The following GCNT2 variants were observed in gnomAD, a reference collection of about 807,000 sequenced individuals.
GCNT2 encodes glucosaminyl (N-acetyl) transferase 2 (I blood group).
GCNT2 carries 34 observed loss-of-function variants against 34.2 expected under a neutral mutation model. The observed-to-expected ratio is 1.00, with a 90% confidence interval of 0.76 to 1.32. GCNT2 has a LOEUF of 1.32. Ranked by LOEUF, GCNT2 falls within the 40% of genes most tolerant of loss-of-function variation. The probability of loss-of-function intolerance (pLI) is 0.00; values close to 1 mark genes in which losing one functional copy is unlikely to be tolerated. For missense variants in GCNT2, 584 were observed against 489.4 expected (o/e 1.19, Z -1.82); for synonymous variants, 212 against 188.0 (o/e 1.13, Z -1.04).
At chr6:10,604,128 C>G (rs1765211387) in intron 3 of GCNT2, among the ~76,000 whole-genome samples, 2 of 151,252 alleles carry the variant, frequency 1.3e-5, no homozygotes, top group African/African-American at 4.9e-5. Context: ...ATCTCCTGAC[C>G]TCATGTGATC....
At chr6:10,536,993 T>C (rs1331236561) in intron 3 of GCNT2, among the ~76,000 whole-genome samples, 1 of 152,118 alleles carries the variant, frequency 6.6e-6, no homozygotes. Context: ...CTCGAACTCC[T>C]GACCTGGTGG....
In GCNT2 at chr6:10,586,438, C is replaced by G. The variant is rs145342719; in HGVS notation, c.926-34913C>G. Reference sequence around the variant, plus strand: ...CAGTTACTGAGTTGCTTCCAAAATGCTTTCATTGCTTCAAAGACAGAGTCT... The same window carrying G: ...CAGTTACTGAGTTGCTTCCAAAATGGTTTCATTGCTTCAAAGACAGAGTCT... On this transcript the variant is annotated intron_variant, in intron 3 of 4. Transcript: ENST00000495262. 28 of 1,614,068 alleles carry G rather than the reference C, an allele frequency of 1.7e-5. 1 individual carries two copies. The South Asian group carries it at 3.1e-4, about 18-fold the overall frequency.
chr6:10,542,304 A>C (rs1439109284), intron 3 of GCNT2, among the ~76,000 whole-genome samples: 1 of 152,194 alleles, frequency 6.6e-6, no homozygotes, highest in Non-Finnish European at 1.5e-5. Context: ...ACTGCTACGC[A>C]CTAAACTAAT....
intron 4 of GCNT2, among the ~76,000 whole-genome samples, chr6:10,625,280 G>A (rs911350756): frequency 6.6e-6 from 1 of 152,090 alleles, no homozygotes; most frequent in East Asian, 1.9e-4. Flanking sequence ...AATTAATCTT[G>A]CTAAAATGAG....
chr6:10,578,144 A>G (rs1333263520), intron 3 of GCNT2, among the ~76,000 whole-genome samples: 1 of 152,002 alleles, frequency 6.6e-6, no homozygotes. Flanking sequence ...TAATCCCAGC[A>G]CTTTGGGAGG....
intron 3 of GCNT2, chr6:10,558,038 C>G (rs1762801967): frequency 6.6e-6 from 1 of 152,520 alleles, no homozygotes; most frequent in Non-Finnish European, 1.5e-5. Flanking sequence ...GCTCCTTCCC[C>G]TTAGCCAGAT....
At position 10,549,563 on chromosome 6, in the gene GCNT2, CTTTTTT is replaced by C. The variant is rs33909973; in HGVS notation, c.925+19748_925+19753del. ...TTCCTTTCTCTCTCAATCTCTCTCT[CTTTTTT>C]TTTTTTTTTTTTTTTTTTTTGAGAC... On this transcript the variant is annotated intron_variant, in intron 3 of 4. Coordinates refer to ENST00000495262, the MANE Select transcript of GCNT2 (RefSeq NM_145649.5). 7.7e-5 allele frequency among the ~76,000 whole-genome samples: 8 copies of C among 104,306 alleles called. No individual in the cohort carries two copies. In the East Asian group the frequency reaches 1.3e-3, roughly 17 times the overall value. The allele number at this position is 104,306 out of a possible 152,430, so 68.4% of individuals were successfully genotyped here.
At chr6:10,607,282 C>T (rs1027573456) in intron 3 of GCNT2, among the ~76,000 whole-genome samples, 1 of 152,134 alleles carries the variant, frequency 6.6e-6, no homozygotes, top group East Asian at 1.9e-4. Context: ...ATCTGCTCAG[C>T]ATCTGGGGAA....
chr6:10,561,634 G>T (rs78432200), intron 3 of GCNT2, among the ~76,000 whole-genome samples: 1 of 152,134 alleles, frequency 6.6e-6, no homozygotes, highest in Non-Finnish European at 1.5e-5. Context: ...GGGTGGTTTC[G>T]TCTCTAAGGA....
rs146192473 is a variant in GCNT2, at chr6:10,586,020, T to C, written c.926-35331T>C. 111 of 1,614,192 alleles carry C rather than the reference T, an allele frequency of 6.9e-5. 2 individuals carry two copies. The highest frequency in any genetic ancestry group is 8.8e-5 in the Non-Finnish European group (104 of 1,180,038). Reference sequence around the variant, plus strand: ...CTTTTGGAGGTACTGCTTTTTTGCTTTCACTCTGCTCAGCGTGGTCATTTT... The same window carrying C: ...CTTTTGGAGGTACTGCTTTTTTGCTCTCACTCTGCTCAGCGTGGTCATTTT... On this transcript the variant is annotated intron_variant, in intron 3 of 4. Transcript: ENST00000495262.
chr6:10,527,649 T>A lies in GCNT2; in HGVS notation c.-293T>A, dbSNP rs1761263107. 1 of 152,088 alleles carries A rather than the reference T, an allele frequency of 6.6e-6. No individual in the cohort carries two copies. Among genetic ancestry groups the A allele is most frequent in the Admixed American group, 6.6e-5 (1 of 15,254 alleles). The allele number at this position is 152,088 out of a possible 1,614,324, so 9.4% of individuals were successfully genotyped here. Reference sequence around the variant, plus strand: ...GGGAGTAAGGGAAGAGTAAGAAGATTTCAAAGGAGAGGTAATTGTGTCATT... The same window carrying A: ...GGGAGTAAGGGAAGAGTAAGAAGATATCAAAGGAGAGGTAATTGTGTCATT... On this transcript the variant is annotated 5_prime_UTR_variant, in exon 2 of 5. Coordinates refer to ENST00000495262, the MANE Select transcript of GCNT2 (RefSeq NM_145649.5).
intron 3 of GCNT2, among the ~76,000 whole-genome samples, chr6:10,539,229 GC>G (rs1761927057): frequency 9.7e-6 from 1 of 102,984 alleles, no homozygotes. Flanking sequence ...CACCCTTGTT[GC>G]CCAGGCTGGA....
chr6:10,576,271 G>T (rs1430726639), intron 3 of GCNT2, among the ~76,000 whole-genome samples: 1 of 152,182 alleles, frequency 6.6e-6, no homozygotes, highest in African/African-American at 2.4e-5. Context: ...GTTTTATTAG[G>T]ACACAGCCAT....
At position 10,596,579 on chromosome 6, in the gene GCNT2, G is replaced by A. The variant is rs900122515; in HGVS notation, c.926-24772G>A. Among the ~76,000 whole-genome samples the A allele has an allele frequency of 3.3e-5, 5 of 152,066 alleles. No individual in the cohort carries two copies. In the East Asian group the frequency reaches 7.7e-4, roughly 23 times the overall value. ...CGTTTTTCTGGAGGAAAAATGGGAA[G>A]GAGTATGGTACTAAGAGTAGAAGAT... On this transcript the variant is annotated intron_variant, in intron 3 of 4. Transcript: ENST00000495262.
At chr6:10,555,120 G>A (rs1252706195) in intron 3 of GCNT2, among the ~76,000 whole-genome samples, 1 of 152,184 alleles carries the variant, frequency 6.6e-6, no homozygotes, top group Non-Finnish European at 1.5e-5. Context: ...TCTGCATGGG[G>A]TGGGGTAGTG....
chr6:10,563,772 AAAAAAATATATATATATAT>A (rs1223767573), intron 3 of GCNT2, among the ~76,000 whole-genome samples: 3 of 59,170 alleles, frequency 5.1e-5, no homozygotes, highest in East Asian at 3.8e-4. Context: ...AAAAAAAAAA[AAAAAAATATATATATATAT>A]ATATATATAT....
chr6:10,525,606 A>C lies in GCNT2; in HGVS notation c.-468-1868A>C, dbSNP rs1761146067. Among the ~76,000 whole-genome samples the C allele has an allele frequency of 2.0e-5, 3 of 152,198 alleles. 1 individual carries two copies. The highest frequency in any genetic ancestry group is 2.0e-4 in the Admixed American group (3 of 15,286). Reference sequence around the variant, plus strand: ...ACCAAAATAAAATGCACCAGCTGGCACTGGGTTGATGAAAAAGGAAATAGG... The same window carrying C: ...ACCAAAATAAAATGCACCAGCTGGCCCTGGGTTGATGAAAAAGGAAATAGG... On this transcript the variant is annotated intron_variant, in intron 1 of 4. Coordinates refer to ENST00000495262, the MANE Select transcript of GCNT2 (RefSeq NM_145649.5).
At chr6:10,561,655 C>G (rs1266814784) in intron 3 of GCNT2, among the ~76,000 whole-genome samples, 1 of 152,178 alleles carries the variant, frequency 6.6e-6, no homozygotes, top group Admixed American at 6.5e-5. Context: ...ACAGAGCTAC[C>G]CCACTCTTTG....
intron 3 of GCNT2, among the ~76,000 whole-genome samples, chr6:10,548,942 A>C (rs1387777108): frequency 6.6e-6 from 1 of 152,138 alleles, no homozygotes; most frequent in Non-Finnish European, 1.5e-5. Flanking sequence ...TATTTTTAGG[A>C]GAGACGGGGT....
Sources: gnomAD v4.1 joint callset for allele counts (sites outside exome capture counted in the v4.1 genomes callset) on GRCh38, gnomAD v4.1.1 for gene constraint, MANE v1.5 for transcripts, NCBI Gene and HGNC (gene_info 2026-07-23, HGNC 2026-07-21) for gene names.